Variants in PLEKHA1 observed in about 807,000 individuals in gnomAD.
The protein encoded by PLEKHA1 is pleckstrin homology domain containing A1.
A neutral mutation model predicts 52.0 loss-of-function variants in PLEKHA1; 34 were observed. That is an observed-to-expected ratio of 0.65 (90% CI 0.50 to 0.87). The LOEUF is 0.87. Among genes scored for constraint, PLEKHA1 ranks in the 40% least tolerant of loss-of-function variants. The pLI is 0.00. For synonymous variants in PLEKHA1, 163 were observed against 170.7 expected, an observed-to-expected ratio of 0.95 and a Z score of 0.35; for missense variants, 497 against 504.2, an observed-to-expected ratio of 0.99 and a Z score of 0.14.
At position 122,424,179 on chromosome 10, in the gene PLEKHA1, T is replaced by TTTTG; in HGVS notation, c.682-17_682-16insGTTT. ...ATAAACATCATGTAACTGTTTTTTT[T>TTTTG]TTTTTTTTTTTTTTGCCAGGAAAAG... is the stretch of plus-strand genomic sequence containing the variant. On this transcript the variant is annotated intron_variant, in intron 8 of 11. Transcript: ENST00000368990. The TTTTG allele has an allele frequency of 6.9e-7, 1 of 1,444,542 alleles. No homozygotes were observed. The highest frequency in any genetic ancestry group is 2.5e-5 in the East Asian group (1 of 39,700). The allele number at this position is 1,444,542 out of a possible 1,614,324, so 89.5% of individuals were successfully genotyped here.
intron 8 of PLEKHA1, chr10:122,418,890 A>G (rs2133303140): frequency 6.6e-6 from 1 of 152,288 alleles, no homozygotes; most frequent in East Asian, 1.9e-4. Context: ...GTCCATTAGA[A>G]CTTTCTGCAC....
intron 6 of PLEKHA1, among the ~76,000 whole-genome samples, chr10:122,413,246 CCTTT>C (rs2097131081): frequency 6.6e-6 from 1 of 152,070 alleles, no homozygotes; most frequent in Non-Finnish European, 1.5e-5. Context: ...TTTCTCTGAG[CCTTT>C]CTTCATGTAC....
In PLEKHA1 at chr10:122,390,466, T is replaced by G. The variant is rs2096760737; in HGVS notation, c.-20-2715T>G. The stretch of plus-strand genomic sequence containing the variant: ...TGCTTCACTTACTAAGCTTAGACAT[T>G]TCTGGCTTTTGGTTTAAAGCGAGAC... On this transcript the variant is annotated intron_variant, in intron 1 of 11. Coordinates refer to ENST00000368990, the MANE Select transcript of PLEKHA1 (RefSeq NM_001001974.4). Among the ~76,000 whole-genome samples, 3 of 152,178 alleles carry G rather than the reference T, an allele frequency of 2.0e-5. No individual in the cohort carries two copies. The South Asian group carries it at 6.2e-4, about 32-fold the overall frequency.
intron 10 of PLEKHA1, 127 bp from the exon 11 acceptor site, chr10:122,426,815 G>A: frequency 1.3e-6 from 1 of 798,342 alleles, no homozygotes; most frequent in East Asian, 2.8e-5. Flanking sequence ...TAAATTTTTT[G>A]GAAACAGTTG....
At chr10:122,407,174 C>CA (rs1219027604) in intron 5 of PLEKHA1, among the ~76,000 whole-genome samples, 1 of 152,074 alleles carries the variant, frequency 6.6e-6, no homozygotes, top group African/African-American at 2.4e-5. Flanking sequence ...TTGCGGCAGC[C>CA]AGAGGGTCCT....
rs2096802829 is a variant in PLEKHA1 at position 122,393,460 on chromosome 10, A to G, written c.141+119A>G. 9.8e-7 allele frequency: 1 copy of G among 1,020,822 alleles called. No homozygotes were observed. Among genetic ancestry groups the G allele is most frequent in the Non-Finnish European group, 1.3e-6 (1 of 755,486 alleles). 63.2% of individuals were successfully genotyped at this position (1,020,822 alleles called of 1,614,324 possible). ...GCAGTATATTTTTAGATTTATTTCT[A>G]CTGGCTGTCCTCTCTGCCCTGCACC... On this transcript the variant is annotated intron_variant, in intron 2 of 11. Coordinates refer to ENST00000368990, the MANE Select transcript of PLEKHA1 (RefSeq NM_001001974.4). This position sits in a 1 kb window ranked among gnomAD's most constrained non-coding sequence, Gnocchi z 4.5.
chr10:122,409,938 C>T (rs1460694195), intron 5 of PLEKHA1, among the ~76,000 whole-genome samples: 1 of 152,088 alleles, frequency 6.6e-6, no homozygotes, highest in African/African-American at 2.4e-5. Flanking sequence ...TGTGCCACCA[C>T]AGCCAGCTAA....
intron 2 of PLEKHA1, among the ~76,000 whole-genome samples, chr10:122,394,814 T>C (rs1008472408): frequency 6.6e-6 from 1 of 152,218 alleles, no homozygotes; most frequent in Non-Finnish European, 1.5e-5. Flanking sequence ...ATATGTATGG[T>C]TTCTCCTGAA....
In PLEKHA1 at chr10:122,420,854, C is replaced by A. The variant is rs2097250753; in HGVS notation, c.681+2886C>A. 2 of 152,228 alleles carry A rather than the reference C, an allele frequency of 1.3e-5. 1 individual carries two copies. Among genetic ancestry groups the A allele is most frequent in the South Asian group, 4.1e-4 (2 of 4,830 alleles). 9.4% of individuals were successfully genotyped at this position (152,228 alleles called of 1,614,324 possible). ...GGCTGTCCTCTTGGGGGGTTAGCCC[C>A]ACGCGGAGTAGGGAGAGAAGGGCAT... is the stretch of plus-strand genomic sequence containing the variant. On this transcript the variant is annotated intron_variant, in intron 8 of 11. Coordinates refer to ENST00000368990, the MANE Select transcript of PLEKHA1 (RefSeq NM_001001974.4).
intron 5 of PLEKHA1, 132 bp downstream of exon 5, chr10:122,406,805 T>C: frequency 3.0e-6 from 2 of 672,112 alleles, no homozygotes; most frequent in Non-Finnish European, 5.1e-6. Flanking sequence ...AGACAGGTGT[T>C]CAGAATGTGA....
At chr10:122,418,302 G>C (rs1015766965) in intron 8 of PLEKHA1, 4 of 210,656 alleles carry the variant, frequency 1.9e-5, no homozygotes, top group Non-Finnish European at 2.9e-5. Context: ...ACATGGGGAA[G>C]GGGTGGTGGC....
chr10:122,423,900 G>T (rs973879828), intron 8 of PLEKHA1: 2 of 322,812 alleles, frequency 6.2e-6, no homozygotes, highest in African/African-American at 4.4e-5. Flanking sequence ...ACGTGGGTCC[G>T]TCGGGGAAAG....
At chr10:122,432,560 TA>T (rs2133785317), downstream of PLEKHA1, 1 of 151,242 alleles carries the variant, frequency 6.6e-6, no homozygotes, top group East Asian at 1.9e-4. Context: ...TTTTTTTTGA[TA>T]GGGGAAAGAA....
chr10:122,379,742 G>A (rs1156722964), intron 1 of PLEKHA1, among the ~76,000 whole-genome samples: 3 of 152,192 alleles, frequency 2.0e-5, no homozygotes, highest in Admixed American at 6.5e-5. Flanking sequence ...TGATTGTGGG[G>A]CAACAGGACT....
At chr10:122,392,965 C>T (rs569401514) in intron 1 of PLEKHA1, 172 of 375,678 alleles carry the variant, frequency 4.6e-4, no homozygotes, top group African/African-American at 3.5e-3. Flanking sequence ...TCTGTTGTCC[C>T]CATCACAGTG....
intron 1 of PLEKHA1, among the ~76,000 whole-genome samples, chr10:122,375,523 A>G (rs562134667): frequency 6.6e-6 from 1 of 152,378 alleles, no homozygotes; most frequent in South Asian, 2.1e-4. Context: ...GCCAGCTGCC[A>G]ACCGCAGAGC....
At chr10:122,426,885 T>A in intron 10 of PLEKHA1, 57 bp from the exon 11 acceptor site, 3 of 1,379,580 alleles carry the variant, frequency 2.2e-6, no homozygotes, top group Non-Finnish European at 3.1e-6. Context: ...ACATTGGCTG[T>A]ATAGAAGTAG....
chr10:122,391,770 TAAAG>T (rs2096779339), intron 1 of PLEKHA1, among the ~76,000 whole-genome samples: 1 of 152,138 alleles, frequency 6.6e-6, no homozygotes, highest in African/African-American at 2.4e-5. Flanking sequence ...GTAAATTTAT[TAAAG>T]AAATTATTTC....
At position 122,429,963 on chromosome 10, in the gene PLEKHA1, G is replaced by A; in HGVS notation, c.*25G>A. On this transcript the variant is annotated 3_prime_UTR_variant, in exon 12 of 12. Coordinates refer to ENST00000368990, the MANE Select transcript of PLEKHA1 (RefSeq NM_001001974.4). ...AGGCAGAAGCGCACGGAGCCTGCCT[G>A]CCTCTGCCGTCCTCAGTTTCCTTTC... The A allele has an allele frequency of 6.3e-7, 1 of 1,579,270 alleles. No homozygotes were observed. The highest frequency in any genetic ancestry group is 1.2e-5 in the South Asian group (1 of 84,402).
Sources: gnomAD v4.1 joint callset for allele counts (sites outside exome capture counted in the v4.1 genomes callset) on GRCh38, gnomAD v4.1.1 for gene constraint, Gnocchi (gnomAD v3.1) non-coding constraint, MANE v1.5 for transcripts, NCBI Gene and HGNC (gene_info 2026-07-23, HGNC 2026-07-21) for gene names.